ADAMTSL3: variants seen among roughly 807,000 people sequenced by gnomAD.
ADAMTSL3 encodes the protein ADAMTS like 3, also known as ADAMTS-like protein 3.
Under a neutral mutation model 201.7 loss-of-function variants are expected in ADAMTSL3, and 128 were observed. That is an observed-to-expected ratio of 0.63 (90% CI 0.55 to 0.73). The LOEUF (loss-of-function observed/expected upper bound fraction) is 0.73. ADAMTSL3 is among the 30% of genes least tolerant of loss of function. The pLI is 0.00. For missense variants in ADAMTSL3, 1,990 were observed against 2,119.6 expected (o/e 0.94, Z 1.20); for synonymous variants, 738 against 748.4 (o/e 0.99, Z 0.23).
chr15:83,720,925 A>G (rs2141574067), intron 3 of ADAMTSL3, among the ~76,000 whole-genome samples: 1 of 152,258 alleles, frequency 6.6e-6, no homozygotes, highest in East Asian at 1.9e-4. Context: ...TTAGTTTTAA[A>G]CCTTGAATTA....
intron 23 of ADAMTSL3, among the ~76,000 whole-genome samples, chr15:83,992,409 A>G (rs1175922754): frequency 6.6e-6 from 1 of 151,948 alleles, no homozygotes; most frequent in African/African-American, 2.4e-5. Flanking sequence ...CTCCCAACTG[A>G]CTCCACCCAC....
intron 15 of ADAMTSL3, among the ~76,000 whole-genome samples, chr15:83,904,464 G>C (rs1448784448): frequency 6.6e-6 from 1 of 152,144 alleles, no homozygotes; most frequent in Non-Finnish European, 1.5e-5. Flanking sequence ...CCCTCCAGTA[G>C]AGCCTGCCAA....
chr15:83,990,939 C>A, intron 22 of ADAMTSL3, 147 bp from the exon 23 acceptor site: 2 of 1,119,822 alleles, frequency 1.8e-6, no homozygotes, highest in Non-Finnish European at 2.6e-6. Context: ...ATGTGCACAT[C>A]CCCACGGTGC....
At position 83,970,634 on chromosome 15, in the gene ADAMTSL3, A is replaced by G. The variant is rs2067179924; in HGVS notation, c.2641A>G (p.Ser881Gly). The G allele has an allele frequency of 1.9e-6, 3 of 1,614,142 alleles. No individual in the cohort carries two copies. The highest frequency in any genetic ancestry group is 1.7e-6 in the Non-Finnish European group (2 of 1,180,020). The stretch of plus-strand genomic sequence containing the variant: ...AAGATCTTGCCAGATGCCTGAGTGC[A>G]GTAGTAAGTATGCGGTGTCCGCGCT... ...LVRSCQMPEC[S>G]KIKSEMKTKL... Residue 881 changes from serine to glycine, a missense_variant, in exon 20 of 30, where the codon AGT (serine) becomes GGT (glycine). Transcript: ENST00000286744.
intron 3 of ADAMTSL3, among the ~76,000 whole-genome samples, chr15:83,771,093 A>G (rs1168269197): frequency 6.6e-6 from 1 of 151,966 alleles, no homozygotes; most frequent in Admixed American, 6.6e-5. Flanking sequence ...AAACAAACAA[A>G]AAGCCCACAA....
chr15:83,774,851 CTTT>C (rs60612296), intron 4 of ADAMTSL3, among the ~76,000 whole-genome samples: 1 of 133,790 alleles, frequency 7.5e-6, no homozygotes, highest in Admixed American at 7.5e-5. Context: ...GGGGAGGAGG[CTTT>C]TTTTTTTTTT....
chr15:83,807,267 C>G (rs2063615505), intron 5 of ADAMTSL3, among the ~76,000 whole-genome samples: 1 of 151,938 alleles, frequency 6.6e-6, no homozygotes, highest in African/African-American at 2.4e-5. Flanking sequence ...CTAGCCTGGC[C>G]AACATAGTGA....
intron 2 of ADAMTSL3, 43 bp from the exon 3 acceptor site, chr15:83,704,346 C>T: frequency 6.2e-7 from 1 of 1,613,590 alleles, no homozygotes; most frequent in Non-Finnish European, 8.5e-7. Flanking sequence ...TCAGGGGGTC[C>T]TTACTGGAGC....
In ADAMTSL3 at chr15:83,900,284, G is replaced by A. The variant is rs148900602; in HGVS notation, c.1700+553G>A. ...GAGCAGGTTGGGCTTGATCTCTCCA[G>A]GGTTCATTCCAACTCAAAAATCCAA... On this transcript the variant is annotated intron_variant, in intron 15 of 29. Coordinates refer to ENST00000286744, the MANE Select transcript of ADAMTSL3 (RefSeq NM_207517.3). 7.7e-3 allele frequency among the ~76,000 whole-genome samples: 1,174 copies of A among 152,262 alleles called. 7 individuals carry two copies. Among genetic ancestry groups the A allele is most frequent in the Non-Finnish European group, 0.012 (840 of 68,016 alleles).
chr15:84,027,409 A>G (rs1264522227), intron 27 of ADAMTSL3, among the ~76,000 whole-genome samples: 8 of 152,238 alleles, frequency 5.3e-5, no homozygotes, highest in Non-Finnish European at 1.2e-4. Context: ...CAGGATCTAT[A>G]TCCTAGGGCA....
Position 83,995,947 on chromosome 15 carries a change from C to A in ADAMTSL3, c.3973+4733C>A, listed in dbSNP as rs1047265387. Among the ~76,000 whole-genome samples the A allele has an allele frequency of 9.9e-5, 15 of 151,924 alleles. 1 individual carries two copies. The highest frequency in any genetic ancestry group is 9.8e-4 in the Admixed American group (15 of 15,248). ...AATAAATGGAACAGAATGCGGAGCC[C>A]ACAGCAGATTCAAGCATACAGTATA... On this transcript the variant is annotated intron_variant, in intron 23 of 29. Transcript: ENST00000286744.
At chr15:83,946,672 C>T (rs1009876221) in intron 19 of ADAMTSL3, among the ~76,000 whole-genome samples, 1 of 152,192 alleles carries the variant, frequency 6.6e-6, no homozygotes, top group Non-Finnish European at 1.5e-5. Context: ...TTTAGAAGAG[C>T]TCAGGTCTGC....
At chr15:83,949,700 A>G (rs539453390) in intron 19 of ADAMTSL3, among the ~76,000 whole-genome samples, 23 of 152,250 alleles carry the variant, frequency 1.5e-4, no homozygotes, top group Non-Finnish European at 2.5e-4. Context: ...GATAACAGCC[A>G]TTTTAACTGG....
chr15:83,805,139 C>G (rs2063582287), intron 5 of ADAMTSL3, among the ~76,000 whole-genome samples: 1 of 152,148 alleles, frequency 6.6e-6, no homozygotes, highest in Non-Finnish European at 1.5e-5. Flanking sequence ...GTTGTTATTT[C>G]TACCTCAGTG....
chr15:83,813,812 C>G (rs2063732858), intron 5 of ADAMTSL3, among the ~76,000 whole-genome samples: 1 of 152,098 alleles, frequency 6.6e-6, no homozygotes, highest in Non-Finnish European at 1.5e-5. Flanking sequence ...CCCCTGAGCC[C>G]TAGATAAAGA....
chr15:83,860,510 T>C (rs1274345467), intron 8 of ADAMTSL3, among the ~76,000 whole-genome samples: 1 of 152,128 alleles, frequency 6.6e-6, no homozygotes, highest in Non-Finnish European at 1.5e-5. Flanking sequence ...GCAAAGTTTA[T>C]GGCATGCAAA....
At chr15:83,913,070 G>A (rs1485981892) in intron 15 of ADAMTSL3, 22 bp from the exon 16 acceptor site, 1 of 1,607,956 alleles carries the variant, frequency 6.2e-7, no homozygotes, top group African/African-American at 1.3e-5. Flanking sequence ...TCCTTTTCTG[G>A]TGGCTTCCTG....
Position 83,801,651 on chromosome 15 carries a change from A to AATATATATATATAT in ADAMTSL3, c.318-2968_318-2955dup, listed in dbSNP as rs68098545. On this transcript the variant is annotated intron_variant, in intron 4 of 29. Coordinates refer to ENST00000286744, the MANE Select transcript of ADAMTSL3 (RefSeq NM_207517.3). ...TTATATATATAAATATATAAATATA[A>AATATATATATATAT]ATATATATATATATATATATATATA... Among the ~76,000 whole-genome samples the AATATATATATATAT allele has an allele frequency of 6.7e-3, 208 of 30,974 alleles. 14 individuals carry two copies. The highest frequency in any genetic ancestry group is 9.6e-3 in the Non-Finnish European group (142 of 14,806). The allele number at this position is 30,974 out of a possible 152,430, so 20.3% of individuals were successfully genotyped here.
intron 21 of ADAMTSL3, among the ~76,000 whole-genome samples, chr15:83,988,165 A>T (rs1366819787): frequency 6.6e-6 from 1 of 152,190 alleles, no homozygotes; most frequent in African/African-American, 2.4e-5. Context: ...AATCCAGTGT[A>T]TGCCACAGAC....
Sources: allele counts gnomAD v4.1 joint callset (sites outside exome capture counted in the v4.1 genomes callset), GRCh38; gene constraint gnomAD v4.1.1; transcripts MANE v1.5; gene names NCBI Gene and HGNC (gene_info 2026-07-23, HGNC 2026-07-21).